RANBP17: variants seen among roughly 807,000 people sequenced by gnomAD.
The protein encoded by RANBP17 is ran-binding protein 17.
RANBP17 carries 158 observed loss-of-function variants against 141.2 expected under a neutral mutation model. That is an observed-to-expected ratio of 1.12 (90% CI 0.98 to 1.28). RANBP17 has a LOEUF of 1.28. Among genes scored for constraint, RANBP17 ranks in the 50% most tolerant of loss-of-function variants. The probability of loss-of-function intolerance (pLI) is 0.00; values close to 1 mark genes in which losing one functional copy is unlikely to be tolerated. For synonymous variants in RANBP17, 430 were observed against 450.0 expected (o/e 0.96, Z 0.56); for missense variants, 1,438 against 1,290.7 (o/e 1.11, Z -1.75).
chr5:170,869,514 C>G (rs868249958), intron 1 of RANBP17, among the ~76,000 whole-genome samples: 1 of 152,146 alleles, frequency 6.6e-6, no homozygotes, highest in Non-Finnish European at 1.5e-5. Flanking sequence ...GGTTTGGTCC[C>G]TTCTGGAGGC....
At chr5:171,136,435 AAGAG>A (rs1237072242) in intron 14 of RANBP17, among the ~76,000 whole-genome samples, 2 of 151,656 alleles carry the variant, frequency 1.3e-5, no homozygotes, top group African/African-American at 4.8e-5. Flanking sequence ...CTTTTCTTGA[AAGAG>A]AGAAAGCTAG....
chr5:171,061,683 T>C (rs1024076396), intron 14 of RANBP17, among the ~76,000 whole-genome samples: 5 of 152,216 alleles, frequency 3.3e-5, no homozygotes, highest in African/African-American at 1.2e-4. Context: ...TTAGGTCCGC[T>C]TGGTGCAGAG....
Position 171,298,745 on chromosome 5 carries a change from T to C in RANBP17, c.3171-17T>C. On this transcript the variant is annotated splice_polypyrimidine_tract_variant and intron_variant, in intron 27 of 27. Coordinates refer to ENST00000523189, the MANE Select transcript of RANBP17 (RefSeq NM_022897.5). ...TGCCTCATTACTACCCTTGACCCTT[T>C]CTTCCTCTTTCTGCAGGTTCACCCA... The C allele has an allele frequency of 6.2e-7, 1 of 1,604,538 alleles. No individual in the cohort carries two copies. The highest frequency in any genetic ancestry group is 8.5e-7 in the Non-Finnish European group (1 of 1,171,306).
intron 3 of RANBP17, among the ~76,000 whole-genome samples, chr5:170,889,738 G>T (rs1440172542): frequency 1.3e-5 from 2 of 152,080 alleles, no homozygotes; most frequent in Non-Finnish European, 2.9e-5. Context: ...ACTGACTTTT[G>T]TCTGGGGTTT....
chr5:171,011,083 CT>C (rs1780004144), intron 14 of RANBP17, among the ~76,000 whole-genome samples: 2 of 152,008 alleles, frequency 1.3e-5, no homozygotes, highest in Admixed American at 6.6e-5. Context: ...ATACAAAAAC[CT>C]GACAAGGGCA....
At chr5:171,018,164 A>G (rs1780588354) in intron 14 of RANBP17, among the ~76,000 whole-genome samples, 1 of 152,054 alleles carries the variant, frequency 6.6e-6, no homozygotes, top group African/African-American at 2.4e-5. Flanking sequence ...GTAGCCGTGT[A>G]GTGTAGTTTG....
chr5:171,182,977 AAG>A (rs1760962289), intron 16 of RANBP17, among the ~76,000 whole-genome samples, 188 bp from the exon 17 acceptor site: 3 of 152,218 alleles, frequency 2.0e-5, no homozygotes, highest in Admixed American at 1.3e-4. Context: ...AAGATAGAAA[AAG>A]TAATTGCATT....
intron 14 of RANBP17, among the ~76,000 whole-genome samples, chr5:171,024,622 CCTT>C (rs1781111792): frequency 6.6e-6 from 1 of 152,190 alleles, no homozygotes; most frequent in African/African-American, 2.4e-5. Flanking sequence ...ACCACTTACT[CCTT>C]CTAGAAATCG....
rs775804632 is a variant in RANBP17, at chr5:170,911,008, C to T, written c.634C>T (p.Gln212Ter). 21 of 1,611,654 alleles carry T rather than the reference C, an allele frequency of 1.3e-5. No individual in the cohort carries two copies. The highest frequency in any genetic ancestry group is 1.7e-5 in the Non-Finnish European group (20 of 1,178,646). The part of the protein sequence containing the change: ...KPLNLQDQCQ[Q>*]NLVMQVLKLV... Reference sequence around the variant, plus strand: ...TTTAAATCTTCAGGATCAATGTCAGCAAAATCTGGTAATGCAGGTCTTGAA... The same window carrying T: ...TTTAAATCTTCAGGATCAATGTCAGTAAAATCTGGTAATGCAGGTCTTGAA... The change falls in exon 7 of 28, where the codon CAA (glutamine) becomes TAA (stop). Residue 212 changes from glutamine (Q) to a stop codon, truncating the protein, a stop_gained. Transcript: ENST00000523189. LOFTEE classifies it high-confidence loss of function.
intron 3 of RANBP17, among the ~76,000 whole-genome samples, chr5:170,891,916 TC>T (rs1769649722): frequency 6.6e-6 from 1 of 152,152 alleles, no homozygotes; most frequent in Non-Finnish European, 1.5e-5. Flanking sequence ...AGTGACATAT[TC>T]AACAAAAGTG....
intron 16 of RANBP17, among the ~76,000 whole-genome samples, chr5:171,182,893 A>G (rs1350784808): frequency 2.6e-5 from 4 of 152,174 alleles, no homozygotes; most frequent in Non-Finnish European, 5.9e-5. Context: ...TTCCACTATC[A>G]AGACTTTAAT....
rs886724324 is a variant in RANBP17 at position 171,126,685 on chromosome 5, A to T, written c.1711-43445A>T. ...ATACCAAGGATCATTTGAGACCATTATGAACAAAAATACGCTAACAAAATT... is the reference window on the plus strand; with the variant it reads ...ATACCAAGGATCATTTGAGACCATTTTGAACAAAAATACGCTAACAAAATT... On this transcript the variant is annotated intron_variant, in intron 14 of 27. Transcript: ENST00000523189. Among the ~76,000 whole-genome samples, 5 of 152,286 alleles carry T rather than the reference A, an allele frequency of 3.3e-5. No individual in the cohort carries two copies. In the South Asian group the frequency reaches 1.0e-3, roughly 32 times the overall value.
At chr5:171,165,343 G>T (rs1328939607) in intron 14 of RANBP17, among the ~76,000 whole-genome samples, 4 of 151,870 alleles carry the variant, frequency 2.6e-5, no homozygotes, top group Non-Finnish European at 5.9e-5. Flanking sequence ...CACGACGCTC[G>T]GCTAATTTTT....
chr5:171,261,053 A>G (rs886724608), intron 24 of RANBP17, among the ~76,000 whole-genome samples: 6 of 149,296 alleles, frequency 4.0e-5, no homozygotes, highest in African/African-American at 1.5e-4. Context: ...TTTAGAACTT[A>G]GAGATTTTAC....
intron 14 of RANBP17, among the ~76,000 whole-genome samples, chr5:171,072,729 T>C (rs1784700092): frequency 6.6e-6 from 1 of 152,166 alleles, no homozygotes; most frequent in Admixed American, 6.5e-5. Flanking sequence ...TTCTTAAATA[T>C]CACTTCTGGG....
At chr5:171,052,917 A>T (rs1387025333) in intron 14 of RANBP17, among the ~76,000 whole-genome samples, 1 of 150,950 alleles carries the variant, frequency 6.6e-6, no homozygotes, top group East Asian at 1.9e-4. Context: ...CAATGGCACG[A>T]TCTCAGCTCA....
chr5:170,991,054 A>G (rs1290996637), intron 14 of RANBP17, among the ~76,000 whole-genome samples: 3 of 151,964 alleles, frequency 2.0e-5, no homozygotes, highest in African/African-American at 7.2e-5. Context: ...GCACAAATGG[A>G]TAGTTATATC....
chr5:170,928,264 C>T (rs1178196471), intron 12 of RANBP17, among the ~76,000 whole-genome samples: 1 of 152,024 alleles, frequency 6.6e-6, no homozygotes, highest in African/African-American at 2.4e-5. Flanking sequence ...TATACAATCT[C>T]TTTTTCACAT....
intron 14 of RANBP17, among the ~76,000 whole-genome samples, chr5:170,973,247 A>G (rs1326555311): frequency 6.6e-6 from 1 of 152,198 alleles, no homozygotes; most frequent in Non-Finnish European, 1.5e-5. Context: ...AATGAAGACC[A>G]GACAAACTAT....
Sources: allele counts gnomAD v4.1 joint callset (sites outside exome capture counted in the v4.1 genomes callset), GRCh38; gene constraint gnomAD v4.1.1; transcripts MANE v1.5; gene names NCBI Gene and HGNC (gene_info 2026-07-23, HGNC 2026-07-21).